FGF14: variants seen among roughly 807,000 people sequenced by gnomAD.
FGF14 encodes fibroblast growth factor homologous factor 4.
Under a neutral mutation model 25.5 loss-of-function variants are expected in FGF14, and 5 were observed. The observed-to-expected ratio is 0.20, with a 90% CI of 0.10 to 0.41. The LOEUF (loss-of-function observed/expected upper bound fraction) is 0.41, where lower values mean the gene tolerates loss of function less well. FGF14 is among the 10% of genes least tolerant of loss of function. The probability of loss-of-function intolerance (pLI) is 1.00; values close to 1 mark genes in which losing one functional copy is unlikely to be tolerated. For synonymous variants in FGF14, 138 were observed against 118.3 expected (o/e 1.17, Z -1.08); for missense variants, 222 against 320.1 (o/e 0.69, Z 2.34).
chr13:102,002,785 A>T, intron 1 of FGF14: 1 of 152,228 alleles, frequency 6.6e-6, no homozygotes, highest in East Asian at 1.9e-4. Flanking sequence ...TTGGAAAAGG[A>T]TCTCATTCTG....
At chr13:102,193,562 A>G (rs1437286913) in intron 1 of FGF14, among the ~76,000 whole-genome samples, 1 of 152,242 alleles carries the variant, frequency 6.6e-6, no homozygotes, top group African/African-American at 2.4e-5. Flanking sequence ...ACTGCCTACC[A>G]GTAAATTGAA....
chr13:101,754,458 G>C (rs1306494856), intron 3 of FGF14, among the ~76,000 whole-genome samples: 1 of 152,166 alleles, frequency 6.6e-6, no homozygotes, highest in African/African-American at 2.4e-5. Flanking sequence ...GCCAGGTGCA[G>C]TGGCTCACAC....
chr13:102,127,093 T>TCA (rs542414498), intron 1 of FGF14, among the ~76,000 whole-genome samples: 200 of 151,732 alleles, frequency 1.3e-3, no homozygotes, highest in Non-Finnish European at 2.5e-3. Context: ...GATGCCTGCC[T>TCA]CACTCATATT....
intron 3 of FGF14, among the ~76,000 whole-genome samples, chr13:101,820,331 T>C (rs907125809): frequency 6.6e-6 from 1 of 152,210 alleles, no homozygotes; most frequent in Non-Finnish European, 1.5e-5. Flanking sequence ...TAGTCCTATA[T>C]AATTTTAATA....
chr13:102,309,994 A>G (rs897601005), intron 1 of FGF14, among the ~76,000 whole-genome samples: 3 of 152,204 alleles, frequency 2.0e-5, no homozygotes, highest in African/African-American at 7.2e-5. Context: ...TTAAAAATAT[A>G]TAAGGCATCC....
At chr13:102,160,033 T>C (rs1195078561) in intron 1 of FGF14, among the ~76,000 whole-genome samples, 1 of 152,216 alleles carries the variant, frequency 6.6e-6, no homozygotes, top group Non-Finnish European at 1.5e-5. Flanking sequence ...GTCTCATCTC[T>C]TATTCAAGGC....
chr13:101,839,288 C>T (rs1424726493), intron 3 of FGF14, among the ~76,000 whole-genome samples: 4 of 151,906 alleles, frequency 2.6e-5, no homozygotes, highest in Non-Finnish European at 5.9e-5. Context: ...AATCATGGCC[C>T]ATGTGAAGTC....
At chr13:102,208,201 C>G (rs1566818487) in intron 1 of FGF14, among the ~76,000 whole-genome samples, 1 of 152,198 alleles carries the variant, frequency 6.6e-6, no homozygotes, top group Admixed American at 6.5e-5. Flanking sequence ...CAAATCTGTT[C>G]TCTTTTTTCA....
chr13:101,876,968 AAG>A (rs984468608), intron 1 of FGF14, among the ~76,000 whole-genome samples: 2 of 152,198 alleles, frequency 1.3e-5, no homozygotes, highest in African/African-American at 4.8e-5. Context: ...AAACATGAAA[AAG>A]AGAATTTTTT....
intron 3 of FGF14, among the ~76,000 whole-genome samples, chr13:101,754,188 G>A (rs1235083885): frequency 6.6e-6 from 1 of 152,068 alleles, no homozygotes; most frequent in East Asian, 1.9e-4. Flanking sequence ...CAGCTGCTGG[G>A]GCTCCTAGGG....
intron 1 of FGF14, among the ~76,000 whole-genome samples, chr13:101,952,862 C>T (rs2036259620): frequency 6.6e-6 from 1 of 152,090 alleles, no homozygotes; most frequent in African/African-American, 2.4e-5. Context: ...GAAACTCCGT[C>T]TCTACTAAAA....
chr13:102,118,312 A>G (rs1378351028), intron 1 of FGF14, among the ~76,000 whole-genome samples: 1 of 151,938 alleles, frequency 6.6e-6, no homozygotes, highest in Non-Finnish European at 1.5e-5. Flanking sequence ...TGTTAAAAAG[A>G]GAGAGAAAAA....
intron 1 of FGF14, among the ~76,000 whole-genome samples, chr13:102,294,210 A>C (rs2054577441): frequency 6.6e-6 from 1 of 152,212 alleles, no homozygotes; most frequent in Non-Finnish European, 1.5e-5. Context: ...ACTCAAGTCA[A>C]TGGGAAAACA....
chr13:101,815,264 T>C (rs572329136), intron 3 of FGF14, among the ~76,000 whole-genome samples: 1 of 152,104 alleles, frequency 6.6e-6, no homozygotes, highest in African/African-American at 2.4e-5. Flanking sequence ...GAGTGAGTGA[T>C]TAAGCCTGGG....
chr13:101,821,243 C>T (rs374472361), intron 3 of FGF14, among the ~76,000 whole-genome samples: 3 of 152,252 alleles, frequency 2.0e-5, no homozygotes, highest in South Asian at 4.2e-4. Flanking sequence ...CCACTGCGCC[C>T]GGCCCAAATT....
intron 1 of FGF14, chr13:102,002,970 C>A (rs2039580221): frequency 6.6e-6 from 1 of 152,174 alleles, no homozygotes; most frequent in South Asian, 2.1e-4. Context: ...CCCAACACTG[C>A]TTCCTGAAAT....
At chr13:102,071,369 A>G (rs370891493) in intron 1 of FGF14, among the ~76,000 whole-genome samples, 8 of 152,190 alleles carry the variant, frequency 5.3e-5, no homozygotes, top group African/African-American at 1.9e-4. Flanking sequence ...GTTTCGCTTG[A>G]TGATCTGATG....
chr13:102,229,327 A>C (rs1229575059), intron 1 of FGF14, among the ~76,000 whole-genome samples: 1 of 152,224 alleles, frequency 6.6e-6, no homozygotes, highest in Non-Finnish European at 1.5e-5. Context: ...TCCATGCAGA[A>C]AATCTCACAT....
chr13:102,080,586 A>G (rs1368368926), intron 1 of FGF14, among the ~76,000 whole-genome samples: 1 of 152,180 alleles, frequency 6.6e-6, no homozygotes, highest in Non-Finnish European at 1.5e-5. Context: ...TCAACCATCC[A>G]GTTTCCAAAT....
Sources: gnomAD v4.1 joint callset for allele counts (sites outside exome capture counted in the v4.1 genomes callset) on GRCh38, gnomAD v4.1.1 for gene constraint, MANE v1.5 for transcripts, NCBI Gene and HGNC (gene_info 2026-07-23, HGNC 2026-07-21) for gene names.